LCMT1: variants seen among roughly 807,000 people sequenced by gnomAD.
LCMT1 encodes the protein leucine carboxyl methyltransferase 1.
A neutral mutation model predicts 47.7 loss-of-function variants in LCMT1; 32 were observed. The ratio of observed to expected loss-of-function variants is 0.67; its 90% CI spans 0.51 to 0.90. The LOEUF (loss-of-function observed/expected upper bound fraction) is 0.90, where lower values mean the gene tolerates loss of function less well. Ranked by LOEUF, LCMT1 falls within the 40% of genes least tolerant of loss-of-function variation. LCMT1 has a pLI of 0.00. For missense variants in LCMT1, 375 were observed against 415.2 expected, an observed-to-expected ratio of 0.90 and a Z score of 0.84; for synonymous variants, 152 against 149.7, an observed-to-expected ratio of 1.02 and a Z score of -0.11.
intron 4 of LCMT1, chr16:25,143,498 C>T (rs1419082968): frequency 1.3e-5 from 2 of 152,276 alleles, no homozygotes; most frequent in East Asian, 1.9e-4. Flanking sequence ...GAAATTACTT[C>T]CTTTAGTGAA....
At chr16:25,169,327 C>CCTGTGCTGCTG in intron 8 of LCMT1, 114 bp downstream of exon 8, 1 of 696,956 alleles carries the variant, frequency 1.4e-6, no homozygotes, top group Non-Finnish European at 2.5e-6. Context: ...CTGTCAGCAG[C>CCTGTGCTGCTG]ACAGGCTGCT....
chr16:25,152,401 G>A lies in LCMT1; in HGVS notation c.466+786G>A, dbSNP rs531155270. Among the ~76,000 whole-genome samples, 17 of 152,238 alleles carry A rather than the reference G, an allele frequency of 1.1e-4. No homozygotes were observed. In the South Asian group the frequency reaches 3.5e-3, roughly 32 times the overall value. Reference sequence around the variant, plus strand: ...ACTCTGGGGTCCCCTTGGTTCAGGTGGCTGGGGAGCTTAGAATTTTATTTT... The same window carrying A: ...ACTCTGGGGTCCCCTTGGTTCAGGTAGCTGGGGAGCTTAGAATTTTATTTT... On this transcript the variant is annotated intron_variant, in intron 5 of 10. Coordinates refer to ENST00000399069, the MANE Select transcript of LCMT1 (RefSeq NM_016309.3).
intron 8 of LCMT1, 127 bp downstream of exon 8, chr16:25,169,340 G>A: frequency 1.6e-6 from 1 of 633,172 alleles, no homozygotes; most frequent in Non-Finnish European, 2.8e-6. Context: ...AGGCTGCTGA[G>A]CCTCCATGTG....
intron 2 of LCMT1, chr16:25,131,969 C>T: frequency 9.7e-6 from 2 of 206,942 alleles, no homozygotes; most frequent in South Asian, 1.4e-4. Context: ...ACAAATATAG[C>T]TTCCTTTGTG....
At chr16:25,122,872 A>G (rs967814449) in intron 1 of LCMT1, among the ~76,000 whole-genome samples, 8 of 151,974 alleles carry the variant, frequency 5.3e-5, no homozygotes, top group African/African-American at 1.4e-4. Flanking sequence ...GCTGGTCTCA[A>G]ACTCCTGGGC....
At chr16:25,141,259 T>A (rs567985220) in intron 4 of LCMT1, 2 of 152,226 alleles carry the variant, frequency 1.3e-5, no homozygotes, top group Non-Finnish European at 2.9e-5. Flanking sequence ...ATGTCATACT[T>A]TGTAGGTATC....
At chr16:25,124,384 G>C (rs572021953) in intron 1 of LCMT1, among the ~76,000 whole-genome samples, 1 of 152,220 alleles carries the variant, frequency 6.6e-6, no homozygotes, top group African/African-American at 2.4e-5. Context: ...ATCCAGGTGA[G>C]TAAATTTGAA....
intron 1 of LCMT1, among the ~76,000 whole-genome samples, chr16:25,122,554 C>T (rs1960024640): frequency 6.6e-6 from 1 of 152,004 alleles, no homozygotes; most frequent in Non-Finnish European, 1.5e-5. Flanking sequence ...GTCTTGAACT[C>T]CTGGGCTCAG....
At chr16:25,120,889 T>C (rs1959963236) in intron 1 of LCMT1, among the ~76,000 whole-genome samples, 2 of 150,396 alleles carry the variant, frequency 1.3e-5, no homozygotes, top group Admixed American at 1.3e-4. Context: ...GCTGGGACTG[T>C]AGGAGTGCAT....
chr16:25,118,773 C>G (rs1219742181), intron 1 of LCMT1, among the ~76,000 whole-genome samples: 1 of 152,048 alleles, frequency 6.6e-6, no homozygotes, highest in Admixed American at 6.6e-5. Context: ...AGGAGCCGGC[C>G]TGACCTGTTC....
chr16:25,171,802 TCA>T (rs2141716652), intron 9 of LCMT1, among the ~76,000 whole-genome samples: 1 of 152,336 alleles, frequency 6.6e-6, no homozygotes, highest in Admixed American at 6.5e-5. Context: ...CATTCTGTAG[TCA>T]CACCTGGGAG....
At chr16:25,123,058 G>A (rs1960042459) in intron 1 of LCMT1, among the ~76,000 whole-genome samples, 1 of 151,982 alleles carries the variant, frequency 6.6e-6, no homozygotes, top group African/African-American at 2.4e-5. Flanking sequence ...GTATCTTTTA[G>A]CATTTTTCTG....
At chr16:25,148,928 ACT>A (rs1285710809) in intron 4 of LCMT1, 4 of 152,140 alleles carry the variant, frequency 2.6e-5, no homozygotes, top group Non-Finnish European at 4.4e-5. Context: ...GACGGCAGAG[ACT>A]CTGCGGCTGG....
chr16:25,124,674 G>C (rs1960104982), intron 1 of LCMT1, among the ~76,000 whole-genome samples: 2 of 152,214 alleles, frequency 1.3e-5, no homozygotes. Flanking sequence ...ATGAGGAAAT[G>C]CCTGTTGGAG....
chr16:25,133,542 G>A (rs1960416948), intron 3 of LCMT1, among the ~76,000 whole-genome samples: 1 of 151,300 alleles, frequency 6.6e-6, no homozygotes, highest in Admixed American at 6.6e-5. Context: ...TGGACTACAG[G>A]TGCACACCAC....
chr16:25,170,856 G>C, intron 9 of LCMT1, 51 bp downstream of exon 9: 1 of 1,164,504 alleles, frequency 8.6e-7, no homozygotes, highest in Non-Finnish European at 1.3e-6. Context: ...TGAACTCAAG[G>C]CATGATTGCC....
At chr16:25,149,010 A>C (rs900616788) in intron 4 of LCMT1, 1 of 152,258 alleles carries the variant, frequency 6.6e-6, no homozygotes, top group East Asian at 1.9e-4. Flanking sequence ...GAGGGCATGT[A>C]GGCTGAGCTG....
chr16:25,112,857 A>G (rs1297288353), intron 1 of LCMT1, among the ~76,000 whole-genome samples: 1 of 152,020 alleles, frequency 6.6e-6, no homozygotes, highest in Non-Finnish European at 1.5e-5. Flanking sequence ...TTAAGGTGAG[A>G]AGAGTTTGGG....
intron 4 of LCMT1, among the ~76,000 whole-genome samples, chr16:25,151,175 A>T (rs1394560385): frequency 6.6e-5 from 10 of 152,234 alleles, no homozygotes; most frequent in African/African-American, 2.4e-4. Context: ...TATCTTTAAA[A>T]GTTTGATTGA....
Sources: allele counts gnomAD v4.1 joint callset (sites outside exome capture counted in the v4.1 genomes callset), GRCh38; gene constraint gnomAD v4.1.1; transcripts MANE v1.5; gene names NCBI Gene and HGNC (gene_info 2026-07-23, HGNC 2026-07-21).